Variants in FBXL13 observed in about 807,000 individuals in gnomAD.
The protein encoded by FBXL13 is F-box and leucine-rich repeat protein 13.
Under a neutral mutation model 83.6 loss-of-function variants are expected in FBXL13, and 67 were observed. The ratio of observed to expected loss-of-function variants is 0.80; its 90% CI spans 0.66 to 0.98. The LOEUF is 0.98. Among genes scored for constraint, FBXL13 ranks in the 50% least tolerant of loss-of-function variants. FBXL13 has a pLI of 0.00. For missense variants in FBXL13, 822 were observed against 866.5 expected (o/e 0.95, Z 0.64); for synonymous variants, 272 against 299.5 (o/e 0.91, Z 0.95).
intron 17 of FBXL13, among the ~76,000 whole-genome samples, chr7:102,835,815 T>C (rs1801849901): frequency 6.6e-6 from 1 of 151,598 alleles, no homozygotes; most frequent in Non-Finnish European, 1.5e-5. Context: ...TTCACCGTTT[T>C]AGCCGGGATG....
intron 6 of FBXL13, among the ~76,000 whole-genome samples, chr7:103,021,863 C>T (rs866544791): frequency 2.0e-4 from 31 of 152,154 alleles, no homozygotes; most frequent in African/African-American, 7.0e-4. Flanking sequence ...GAAATAGTAA[C>T]ACTTTTACAC....
At chr7:102,973,391 G>A (rs1033490855) in intron 6 of FBXL13, 6 of 688,052 alleles carry the variant, frequency 8.7e-6, no homozygotes, top group African/African-American at 1.8e-5. Context: ...CCTGAAGATC[G>A]AGAAACAGGC....
At chr7:102,981,994 A>G (rs1031317402) in intron 6 of FBXL13, among the ~76,000 whole-genome samples, 2 of 152,178 alleles carry the variant, frequency 1.3e-5, no homozygotes, top group African/African-American at 4.8e-5. Context: ...CACGAGGTCA[A>G]TGCTGGGTTA....
At chr7:103,061,473 C>T (rs1797897979) in intron 1 of FBXL13, among the ~76,000 whole-genome samples, 1 of 152,162 alleles carries the variant, frequency 6.6e-6, no homozygotes, top group Non-Finnish European at 1.5e-5. Flanking sequence ...GGGAATTCAG[C>T]AAAGGTAACT....
At chr7:102,874,415 A>C (rs938029494) in intron 16 of FBXL13, 8 of 967,250 alleles carry the variant, frequency 8.3e-6, no homozygotes, top group African/African-American at 1.8e-5. Context: ...ACAACAGAAG[A>C]CTTATTTTTT....
At position 102,910,738 on chromosome 7, in the gene FBXL13, G is replaced by A. The variant is rs564255313; in HGVS notation, c.1008+2348C>T. Reference sequence around the variant, plus strand: ...CCAACACTCCTAACAAAATACAGGCGTGCAAGAGAAAAGCATTAACAAATT... The same window carrying A: ...CCAACACTCCTAACAAAATACAGGCATGCAAGAGAAAAGCATTAACAAATT... On this transcript the variant is annotated intron_variant, in intron 11 of 19. Coordinates refer to ENST00000313221, the Ensembl canonical transcript of FBXL13. Among the ~76,000 whole-genome samples the A allele has an allele frequency of 5.1e-4, 78 of 152,240 alleles. No individual in the cohort carries two copies. In the Middle Eastern group the frequency reaches 0.01, roughly 20 times the overall value.
At chr7:103,004,567 A>G (rs1790774468) in intron 6 of FBXL13, among the ~76,000 whole-genome samples, 1 of 152,122 alleles carries the variant, frequency 6.6e-6, no homozygotes, top group African/African-American at 2.4e-5. Flanking sequence ...GGCACTCACT[A>G]TGCTTCTTGT....
At chr7:102,863,453 T>A (rs1807147563) in intron 16 of FBXL13, among the ~76,000 whole-genome samples, 2 of 151,924 alleles carry the variant, frequency 1.3e-5, no homozygotes, top group African/African-American at 2.4e-5. Context: ...CATGCCTTTT[T>A]AATTTGTTTT....
Position 103,061,186 on chromosome 7 carries a change from T to C in FBXL13, c.-104-5439A>G, listed in dbSNP as rs146753087. Among the ~76,000 whole-genome samples the C allele has an allele frequency of 4.9e-4, 74 of 152,038 alleles. No individual in the cohort carries two copies. In the East Asian group the frequency reaches 0.013, roughly 27 times the overall value. ...ACCAGACTTGAAGGGTTTTTTTTTT[T>C]TGTTTTTTTCTTTTTTGTTTTTTGT... is the stretch of plus-strand genomic sequence containing the variant. On this transcript the variant is annotated intron_variant, in intron 1 of 19. Coordinates refer to ENST00000313221, the Ensembl canonical transcript of FBXL13.
At chr7:102,884,895 T>C (rs1283235224) in intron 11 of FBXL13, among the ~76,000 whole-genome samples, 1 of 152,218 alleles carries the variant, frequency 6.6e-6, no homozygotes, top group Non-Finnish European at 1.5e-5. Flanking sequence ...ATACAATATG[T>C]GGCCTTTTGT....
intron 17 of FBXL13, among the ~76,000 whole-genome samples, chr7:102,845,446 A>G (rs1316963882): frequency 2.0e-5 from 3 of 152,228 alleles, no homozygotes; most frequent in Admixed American, 1.3e-4. Context: ...TATAAATCAC[A>G]TACTCACAAG....
At chr7:102,857,290 A>G (rs1806175465) in intron 16 of FBXL13, among the ~76,000 whole-genome samples, 1 of 152,206 alleles carries the variant, frequency 6.6e-6, no homozygotes, top group African/African-American at 2.4e-5. Context: ...AAGTGAAGAG[A>G]CAACCTATAG....
At chr7:102,832,737 T>C (rs1240751941) in intron 18 of FBXL13, 103 bp downstream of exon 19, 4 of 1,332,670 alleles carry the variant, frequency 3.0e-6, no homozygotes, top group Non-Finnish European at 3.9e-6. Context: ...ACCTCAACCA[T>C]GGCAAAGAGA....
Position 103,073,365 on chromosome 7 carries a change from C to A in FBXL13, c.-105+881G>T, listed in dbSNP as rs146436989. On this transcript the variant is annotated intron_variant, in intron 1 of 19. Transcript: ENST00000313221. The stretch of plus-strand genomic sequence containing the variant: ...CAGCCATGTGGTGTATGCCTGTAGT[C>A]CTAGCTACTTGGGAGGATGAGGTGG... Among the ~76,000 whole-genome samples, 980 of 152,156 alleles carry A rather than the reference C, an allele frequency of 6.4e-3. 5 individuals carry two copies. Among genetic ancestry groups the A allele is most frequent in the Non-Finnish European group, 8.6e-3 (586 of 68,010 alleles).
upstream of FBXL13, chr7:103,074,617 T>C: frequency 1.6e-6 from 2 of 1,258,288 alleles, no homozygotes; most frequent in South Asian, 2.5e-5. Context: ...TAGTCCCTCC[T>C]CCGGGAAGTC....
chr7:102,853,880 G>A (rs1467027562), intron 17 of FBXL13, among the ~76,000 whole-genome samples: 3 of 152,126 alleles, frequency 2.0e-5, no homozygotes, highest in Non-Finnish European at 2.9e-5. Context: ...AACAGGTGCT[G>A]GAGAGGATGT....
At chr7:102,831,448 T>C (rs529798183) in intron 18 of FBXL13, among the ~76,000 whole-genome samples, 3 of 150,402 alleles carry the variant, frequency 2.0e-5, no homozygotes, top group South Asian at 4.2e-4. Context: ...TACAGAGAGT[T>C]ATCTTGTCCA....
At chr7:103,069,349 G>C (rs1200059680) in intron 1 of FBXL13, among the ~76,000 whole-genome samples, 1 of 152,224 alleles carries the variant, frequency 6.6e-6, no homozygotes, top group African/African-American at 2.4e-5. Flanking sequence ...TGGCAGCCTT[G>C]TGTGTGATTT....
intron 6 of FBXL13, among the ~76,000 whole-genome samples, chr7:102,995,783 C>CTAAATAAATAAATAAATAAA (rs59828511): frequency 1.5e-3 from 221 of 142,652 alleles, no homozygotes; most frequent in Non-Finnish European, 2.5e-3. Flanking sequence ...AAGACTCTGT[C>CTAAATAAATAAATAAATAAA]TAAATAAATA....
Sources: allele counts gnomAD v4.1 joint callset (sites outside exome capture counted in the v4.1 genomes callset), GRCh38; gene constraint gnomAD v4.1.1; transcripts MANE v1.5; gene names NCBI Gene and HGNC (gene_info 2026-07-23, HGNC 2026-07-21).